Variants in AGBL1 observed in about 807,000 individuals in gnomAD.
AGBL1 encodes the protein cytosolic carboxypeptidase 4.
A neutral mutation model predicts 118.9 loss-of-function variants in AGBL1; 130 were observed. That is an observed-to-expected ratio of 1.09 (90% CI 0.95 to 1.26). The LOEUF (loss-of-function observed/expected upper bound fraction) is 1.26, where lower values mean the gene tolerates loss of function less well. Among genes scored for constraint, AGBL1 ranks in the 50% most tolerant of loss-of-function variants. The pLI is 0.00. For synonymous variants in AGBL1, 555 were observed against 478.9 expected, an observed-to-expected ratio of 1.16 and a Z score of -2.08; for missense variants, 1,584 against 1,298.1, an observed-to-expected ratio of 1.22 and a Z score of -3.38.
At chr15:86,115,965 A>T (rs921636832) in intron 1 of AGBL1, among the ~76,000 whole-genome samples, 6 of 152,150 alleles carry the variant, frequency 3.9e-5, no homozygotes, top group Non-Finnish European at 8.8e-5. Context: ...CATCCTATAC[A>T]TGAGGTTGGT....
chr15:86,551,792 G>A (rs2142265046), intron 20 of AGBL1, among the ~76,000 whole-genome samples: 1 of 152,204 alleles, frequency 6.6e-6, no homozygotes, highest in Middle Eastern at 3.4e-3. Context: ...ACAGACAATA[G>A]TATTATTCAG....
chr15:86,106,487 A>T (rs1897058631), intron 1 of AGBL1, among the ~76,000 whole-genome samples: 1 of 152,238 alleles, frequency 6.6e-6, no homozygotes, highest in Admixed American at 6.5e-5. Flanking sequence ...GTTCCAGGGC[A>T]ATTTTGCCCC....
chr15:86,595,926 T>C (rs1028471429), intron 21 of AGBL1, among the ~76,000 whole-genome samples: 3 of 151,998 alleles, frequency 2.0e-5, no homozygotes, highest in African/African-American at 7.2e-5. Context: ...AGCCACAGAA[T>C]GAGTTAGCTA....
intron 22 of AGBL1, among the ~76,000 whole-genome samples, chr15:86,820,657 C>T (rs1596515897): frequency 6.6e-6 from 1 of 152,016 alleles, no homozygotes; most frequent in Non-Finnish European, 1.5e-5. Context: ...GTTAGAATGG[C>T]GATCATTAAA....
At chr15:86,750,262 T>C (rs2077827915) in intron 22 of AGBL1, among the ~76,000 whole-genome samples, 1 of 152,060 alleles carries the variant, frequency 6.6e-6, no homozygotes, top group Non-Finnish European at 1.5e-5. Flanking sequence ...TTTTTAATTA[T>C]TAAGTATAAG....
At chr15:86,994,644 A>C (rs1212449598) in intron 24 of AGBL1, among the ~76,000 whole-genome samples, 1 of 152,202 alleles carries the variant, frequency 6.6e-6, no homozygotes, top group African/African-American at 2.4e-5. Flanking sequence ...AAAGAGCTTG[A>C]AGAATTCAGT....
chr15:86,994,738 T>A (rs1395307854), intron 24 of AGBL1, among the ~76,000 whole-genome samples: 1 of 152,016 alleles, frequency 6.6e-6, no homozygotes, highest in African/African-American at 2.4e-5. Context: ...CTATATTTTA[T>A]AAGCCATTAA....
chr15:86,538,239 C>T (rs907551002), intron 19 of AGBL1, among the ~76,000 whole-genome samples: 2 of 152,102 alleles, frequency 1.3e-5, no homozygotes, highest in African/African-American at 4.8e-5. Flanking sequence ...CCCATGATGA[C>T]CCAATTTAAG....
chr15:86,689,027 T>C (rs1358883422), intron 22 of AGBL1, among the ~76,000 whole-genome samples: 2 of 152,192 alleles, frequency 1.3e-5, no homozygotes, highest in African/African-American at 4.8e-5. Flanking sequence ...TTACTCGTGT[T>C]CTAATCCTAT....
chr15:86,141,981 G>C, intron 1 of AGBL1, 23 bp from the exon 2 acceptor site: 1 of 1,547,198 alleles, frequency 6.5e-7, no homozygotes, highest in South Asian at 1.2e-5. Context: ...TCTTAAATAT[G>C]GCTGCCTGTG....
rs549397671 is a variant in AGBL1 at position 86,794,961 on chromosome 15, G to T, written c.3159-112126G>T. ...GTTCCTAATTAGAAGGCCACCCGGG[G>T]GGACCAGCACCTGTCAAAAGCAAGA... On this transcript the variant is annotated intron_variant, in intron 22 of 22. Coordinates refer to ENST00000614907, the MANE Select transcript of AGBL1 (RefSeq NM_001386094.1). Among the ~76,000 whole-genome samples, 3 of 152,224 alleles carry T rather than the reference G, an allele frequency of 2.0e-5. No homozygotes were observed. In the South Asian group the frequency reaches 6.2e-4, roughly 32 times the overall value.
intron 17 of AGBL1, among the ~76,000 whole-genome samples, chr15:86,313,798 G>A (rs972478614): frequency 1.3e-5 from 2 of 152,236 alleles, no homozygotes; most frequent in African/African-American, 4.8e-5. Flanking sequence ...TAACTTTAGA[G>A]ATAAAGCTGA....
At chr15:86,642,655 T>C (rs2085212115) in intron 21 of AGBL1, among the ~76,000 whole-genome samples, 1 of 152,082 alleles carries the variant, frequency 6.6e-6, no homozygotes, top group Admixed American at 6.6e-5. Context: ...TTAAACCACT[T>C]TTACAATCTG....
chr15:86,936,199 C>A lies in AGBL1; in HGVS notation c.3222-51788C>A, dbSNP rs558520949. Among the ~76,000 whole-genome samples the A allele has an allele frequency of 1.3e-4, 19 of 151,732 alleles. No homozygotes were observed. The South Asian group carries it at 4.0e-3, about 32-fold the overall frequency. On this transcript the variant is annotated intron_variant, in intron 23 of 24. Coordinates refer to the AGBL1 transcript ENST00000441037. Reference sequence around the variant, plus strand: ...TTGTCAATGAGTGCTTTTGAATGGACAACAAATGCATTGCCAAATTGTAAA... The same window carrying A: ...TTGTCAATGAGTGCTTTTGAATGGAAAACAAATGCATTGCCAAATTGTAAA...
intron 16 of AGBL1, among the ~76,000 whole-genome samples, chr15:86,280,066 A>G (rs1274055728): frequency 6.6e-6 from 1 of 152,186 alleles, no homozygotes; most frequent in African/African-American, 2.4e-5. Context: ...ATTTCTTAAG[A>G]GACTCTGTCT....
intron 24 of AGBL1, among the ~76,000 whole-genome samples, chr15:87,014,770 G>T (rs2081593175): frequency 6.6e-6 from 1 of 152,094 alleles, no homozygotes; most frequent in African/African-American, 2.4e-5. Flanking sequence ...TGAACAAGGA[G>T]GCCTGCTCTG....
At chr15:86,130,076 G>A (rs1327780807) in intron 1 of AGBL1, among the ~76,000 whole-genome samples, 3 of 152,090 alleles carry the variant, frequency 2.0e-5, no homozygotes, top group Non-Finnish European at 4.4e-5. Context: ...GTGGGTAGGG[G>A]AAAGGGCAGG....
chr15:86,892,673 A>G (rs936976978), intron 22 of AGBL1, among the ~76,000 whole-genome samples: 4 of 152,190 alleles, frequency 2.6e-5, no homozygotes, highest in African/African-American at 7.2e-5. Flanking sequence ...GTGATTGGCA[A>G]TGTTTATTCT....
chr15:86,142,589 G>A (rs2076978594), intron 2 of AGBL1, among the ~76,000 whole-genome samples: 3 of 152,172 alleles, frequency 2.0e-5, no homozygotes, highest in African/African-American at 7.2e-5. Context: ...TTTTATGTAT[G>A]CTTGCCTCAT....
Sources: allele counts gnomAD v4.1 joint callset (sites outside exome capture counted in the v4.1 genomes callset), GRCh38; gene constraint gnomAD v4.1.1; transcripts MANE v1.5; gene names NCBI Gene and HGNC (gene_info 2026-07-23, HGNC 2026-07-21).